DOCK2: variants seen among roughly 807,000 people sequenced by gnomAD.
DOCK2 encodes the protein dedicator of cytokinesis protein 2.
A neutral mutation model predicts 248.9 loss-of-function variants in DOCK2; 87 were observed. That is an observed-to-expected ratio of 0.35 (90% CI 0.29 to 0.42). The LOEUF is 0.42. Among genes scored for constraint, DOCK2 ranks in the 10% least tolerant of loss-of-function variants. DOCK2 has a pLI of 1.00. For synonymous variants in DOCK2, 805 were observed against 821.6 expected (o/e 0.98, Z 0.35); for missense variants, 1,747 against 2,300.2 (o/e 0.76, Z 4.92).
In DOCK2 at chr5:170,081,914, T is replaced by C. The variant is rs767150509; in HGVS notation, c.5360T>C (p.Phe1787Ser). The C allele has an allele frequency of 6.2e-7, 1 of 1,614,102 alleles. No individual in the cohort carries two copies. Among genetic ancestry groups the C allele is most frequent in the Non-Finnish European group, 8.5e-7 (1 of 1,180,028 alleles). The change falls in exon 51 of 52, where the codon TTC (phenylalanine) becomes TCC (serine). Residue 1787 changes from phenylalanine to serine, a missense_variant. This residue lies in a region of DOCK2 where 513 missense variants were observed against 586.1 expected (regional missense o/e 0.88). Transcript: ENST00000520908. ...ANTSPRLSQT[F>S]LQLSDGDKKT... Reference sequence around the variant, plus strand: ...ACATCTCCCCGCCTCAGCCAGACCTTCCTCCAACTCTCAGATGGTGACAAG... The same window carrying C: ...ACATCTCCCCGCCTCAGCCAGACCTCCCTCCAACTCTCAGATGGTGACAAG...
At position 169,991,057 on chromosome 5, in the gene DOCK2, G is replaced by A. The variant is rs367693448; in HGVS notation, c.2994-5029G>A. On this transcript the variant is annotated intron_variant, in intron 29 of 51. Coordinates refer to ENST00000520908, the MANE Select transcript of DOCK2 (RefSeq NM_004946.3). ...TTCACACATGGCTCCTTTTACAGAT[G>A]GGGCAGTTGAGATTCACAGAGGTCA... Among the ~76,000 whole-genome samples the A allele has an allele frequency of 2.6e-4, 40 of 152,344 alleles. No individual in the cohort carries two copies. The South Asian group carries it at 8.1e-3, about 31-fold the overall frequency.
intron 15 of DOCK2, among the ~76,000 whole-genome samples, chr5:169,710,486 G>A (rs1761515014): frequency 6.6e-6 from 1 of 152,188 alleles, no homozygotes; most frequent in African/African-American, 2.4e-5. Flanking sequence ...CTTGACAGAA[G>A]TGACATTAAC....
At chr5:169,923,668 T>G (rs753792953) in intron 27 of DOCK2, among the ~76,000 whole-genome samples, 3 of 152,198 alleles carry the variant, frequency 2.0e-5, no homozygotes, top group Non-Finnish European at 4.4e-5. Context: ...TCAAAGAAGG[T>G]TAATAGGACT....
At chr5:170,044,409 C>T (rs963062940) in intron 38 of DOCK2, among the ~76,000 whole-genome samples, 1 of 152,210 alleles carries the variant, frequency 6.6e-6, no homozygotes, top group African/African-American at 2.4e-5. Context: ...AGTGGCCACA[C>T]AGGCAGACCT....
chr5:169,907,335 A>G (rs1343290053), intron 27 of DOCK2, among the ~76,000 whole-genome samples: 2 of 152,200 alleles, frequency 1.3e-5, no homozygotes, highest in Non-Finnish European at 2.9e-5. Flanking sequence ...GGCAGTAACC[A>G]TGTATTTCTA....
At chr5:169,742,998 C>A (rs1352766966) in intron 22 of DOCK2, among the ~76,000 whole-genome samples, 2 of 152,206 alleles carry the variant, frequency 1.3e-5, no homozygotes, top group African/African-American at 4.8e-5. Flanking sequence ...AAGTATCTTT[C>A]CAGGCGTTCT....
chr5:170,040,906 T>C, intron 36 of DOCK2, 149 bp from the exon 37 acceptor site: 1 of 606,600 alleles, frequency 1.6e-6, no homozygotes, highest in Non-Finnish European at 2.8e-6. Flanking sequence ...GTGCTGTCAT[T>C]ACCCACACAA....
intron 37 of DOCK2, 103 bp downstream of exon 37, chr5:170,041,248 T>C (rs1219201112): frequency 1.8e-6 from 2 of 1,098,292 alleles, no homozygotes; most frequent in Admixed American, 2.0e-5. Flanking sequence ...AATCCAAATA[T>C]TTTGTTTTGC....
At chr5:169,908,718 T>C (rs79786123) in intron 27 of DOCK2, among the ~76,000 whole-genome samples, 1 of 144,662 alleles carries the variant, frequency 6.9e-6, no homozygotes, top group Non-Finnish European at 1.5e-5. Context: ...TTTTTCTTTT[T>C]TTTTTTTTTT....
In DOCK2 at chr5:170,019,273, G is replaced by A. The variant is rs377628093; in HGVS notation, c.3381+165G>A. Among the ~76,000 whole-genome samples the A allele has an allele frequency of 2.4e-4, 37 of 152,050 alleles. No homozygotes were observed. Among genetic ancestry groups the A allele is most frequent in the African/African-American group, 6.8e-4 (28 of 41,376 alleles). Reference sequence around the variant, plus strand: ...ATGAGCTGGCAGATCAGATTTGGTCGGTATTCTATCAAGCTTTTCCGTCCA... The same window carrying A: ...ATGAGCTGGCAGATCAGATTTGGTCAGTATTCTATCAAGCTTTTCCGTCCA... On this transcript the variant is annotated intron_variant, in intron 33 of 51. Transcript: ENST00000520908.
Position 169,826,513 on chromosome 5 carries a change from C to A in DOCK2, c.2704-14244C>A, listed in dbSNP as rs561160576. ...AGGACTGAATTCTCTGAAGAAGATG[C>A]CTGTAGTCCAAGGTAAAGGTATGGT... On this transcript the variant is annotated intron_variant, in intron 26 of 51. Coordinates refer to ENST00000520908, the MANE Select transcript of DOCK2 (RefSeq NM_004946.3). Among the ~76,000 whole-genome samples the A allele has an allele frequency of 5.8e-4, 88 of 152,078 alleles. 4 individuals carry two copies. The South Asian group carries it at 0.017, about 30-fold the overall frequency.
At chr5:169,737,058 G>A (rs1289183745) in intron 22 of DOCK2, among the ~76,000 whole-genome samples, 2 of 152,116 alleles carry the variant, frequency 1.3e-5, no homozygotes, top group East Asian at 3.9e-4. Flanking sequence ...AAAATCAAGG[G>A]GAAATGCATG....
chr5:170,071,826 C>G (rs1361257432), intron 46 of DOCK2, among the ~76,000 whole-genome samples: 1 of 152,158 alleles, frequency 6.6e-6, no homozygotes, highest in Non-Finnish European at 1.5e-5. Context: ...TTTAGATTTG[C>G]TTAATTTTGA....
intron 27 of DOCK2, among the ~76,000 whole-genome samples, chr5:169,927,861 C>A (rs1775550013): frequency 6.6e-6 from 1 of 152,172 alleles, no homozygotes; most frequent in East Asian, 1.9e-4. Context: ...CATGATCCAC[C>A]CGTCTCGGCC....
rs186580250 is a variant in DOCK2, at chr5:170,017,170, C to A, written c.3233-1790C>A. On this transcript the variant is annotated intron_variant, in intron 32 of 51. Coordinates refer to ENST00000520908, the MANE Select transcript of DOCK2 (RefSeq NM_004946.3). ...AAAATTCATTTTCTTACTGCTTTCC[C>A]TCTCAGCTCCTTGTCTGAGCTTTAA... Among the ~76,000 whole-genome samples the A allele has an allele frequency of 8.5e-5, 13 of 152,256 alleles. No individual in the cohort carries two copies. In the East Asian group the frequency reaches 2.1e-3, roughly 25 times the overall value.
chr5:169,659,488 C>T (rs534638818), intron 2 of DOCK2, among the ~76,000 whole-genome samples: 6 of 152,298 alleles, frequency 3.9e-5, no homozygotes, highest in Non-Finnish European at 8.8e-5. Flanking sequence ...GAAGCTGAAT[C>T]TTTTCCTGGA....
At chr5:170,006,574 A>G (rs1171817598) in intron 30 of DOCK2, among the ~76,000 whole-genome samples, 2 of 152,186 alleles carry the variant, frequency 1.3e-5, no homozygotes, top group East Asian at 1.9e-4. Flanking sequence ...TGGTCTCTGC[A>G]TGGAGAGCTG....
At position 169,977,958 on chromosome 5, in the gene DOCK2, G is replaced by T. The variant is rs4867578; in HGVS notation, c.2800-5110G>T. ...CAGATGGCAGACATGGGGGTGAATA[G>T]AGAAGCAACCTGTGAGTGCATTCGG... On this transcript the variant is annotated intron_variant, in intron 27 of 51. Coordinates refer to ENST00000520908, the MANE Select transcript of DOCK2 (RefSeq NM_004946.3). Among the ~76,000 whole-genome samples the T allele has an allele frequency of 8.8e-3, 1,335 of 152,278 alleles. 7 individuals carry two copies. The highest frequency in any genetic ancestry group is 0.013 in the Admixed American group (193 of 15,308).
chr5:169,748,950 C>T (rs965386916), intron 23 of DOCK2, among the ~76,000 whole-genome samples: 10 of 152,210 alleles, frequency 6.6e-5, no homozygotes, highest in African/African-American at 2.2e-4. Context: ...AAAGCTGAAA[C>T]GATGTGCCTA....
Sources: gnomAD v4.1 joint callset for allele counts (sites outside exome capture counted in the v4.1 genomes callset) on GRCh38, gnomAD v4.1.1 for gene constraint, gnomAD v4.1.1 regional missense constraint, MANE v1.5 for transcripts, NCBI Gene and HGNC (gene_info 2026-07-23, HGNC 2026-07-21) for gene names.